CIROZ: variants seen among roughly 807,000 people sequenced by gnomAD.
CIROZ encodes the protein ciliated left-right organizer ZP-N domains-containing protein.
chr1:10,966,270 C>T, the CIROZ span: 1 of 1,382,000 alleles, frequency 7.2e-7, no homozygotes. Flanking sequence ...AATAATGGTG[C>T]AGTGTCTCCT....
At chr1:10,949,652 A>C in the CIROZ span, 1 of 1,606,880 alleles carries the variant, frequency 6.2e-7, no homozygotes, top group Non-Finnish European at 8.5e-7. Flanking sequence ...AGGCCGGTGC[A>C]GGAGGTCCCG....
At chr1:10,972,420 TACACACACACACACACACACAC>T in the CIROZ span, among the ~76,000 whole-genome samples, 10 of 131,804 alleles carry the variant, frequency 7.6e-5, no homozygotes, top group South Asian at 1.0e-3. Flanking sequence ...GTCTCTGAAA[TACACACACACACACACACACAC>T]ACACACACAC....
chr1:10,968,354 G>A, the CIROZ span, among the ~76,000 whole-genome samples: 4 of 152,204 alleles, frequency 2.6e-5, no homozygotes, highest in Admixed American at 6.6e-5. Context: ...TGCTTGACTC[G>A]ACTGTGCATT....
chr1:10,971,676 T>C, the CIROZ span, among the ~76,000 whole-genome samples: 1 of 152,144 alleles, frequency 6.6e-6, no homozygotes, highest in Non-Finnish European at 1.5e-5. Context: ...GGGAATATGT[T>C]ACCTAGTTGT....
At chr1:10,955,280 C>T in the CIROZ span, 3 of 1,184,914 alleles carry the variant, frequency 2.5e-6, no homozygotes, top group South Asian at 4.6e-5. Flanking sequence ...GGGGCCACAC[C>T]TGTGGCCGGC....
the CIROZ span, among the ~76,000 whole-genome samples, chr1:10,977,422 G>T: frequency 6.6e-6 from 1 of 151,988 alleles, no homozygotes; most frequent in Non-Finnish European, 1.5e-5. Context: ...GGCGGAGATT[G>T]CAGTGAGATG....
the CIROZ span, among the ~76,000 whole-genome samples, chr1:10,972,425 ACACACACAC>A: frequency 3.4e-4 from 47 of 139,376 alleles, no homozygotes; most frequent in East Asian, 3.4e-3. Context: ...TGAAATACAC[ACACACACAC>A]ACACACACAC....
chr1:10,979,099 C>G, the CIROZ span, among the ~76,000 whole-genome samples: 1 of 152,120 alleles, frequency 6.6e-6, no homozygotes, highest in Non-Finnish European at 1.5e-5. Flanking sequence ...TTAAGTGATT[C>G]TCGTGCCTCA....
chr1:10,948,854 G>T, the CIROZ span: 2 of 1,479,462 alleles, frequency 1.4e-6, no homozygotes, highest in Admixed American at 2.3e-5. Flanking sequence ...TCTTCACCAA[G>T]AGAGAAGTGG....
the CIROZ span, among the ~76,000 whole-genome samples, chr1:10,980,508 C>T: frequency 6.6e-5 from 10 of 152,312 alleles, no homozygotes; most frequent in Non-Finnish European, 1.3e-4. Context: ...CTGGCTGGGG[C>T]AATTGGTCTT....
the CIROZ span, chr1:10,948,947 G>A: frequency 1.4e-4 from 158 of 1,165,762 alleles, 1 homozygote; most frequent in African/African-American, 2.0e-3. Flanking sequence ...TCGAGGGACC[G>A]GGTGCGGTGG....
chr1:10,955,552 T>C, the CIROZ span, among the ~76,000 whole-genome samples: 9 of 151,998 alleles, frequency 5.9e-5, no homozygotes, highest in African/African-American at 2.2e-4. Flanking sequence ...TTAAGTAATA[T>C]AACTCCTAGG....
the CIROZ span, chr1:10,947,989 C>T: frequency 6.2e-7 from 1 of 1,613,494 alleles, no homozygotes; most frequent in African/African-American, 1.3e-5. Flanking sequence ...GTCAGAAGAG[C>T]TGCTGGGCGA....
chr1:10,980,369 G>A, the CIROZ span, among the ~76,000 whole-genome samples: 16 of 152,342 alleles, frequency 1.1e-4, no homozygotes, highest in Non-Finnish European at 5.9e-5. Flanking sequence ...CGCCTGTGGC[G>A]AGCCTCTCCC....
At chr1:10,975,888 T>A in the CIROZ span, among the ~76,000 whole-genome samples, 2 of 117,490 alleles carry the variant, frequency 1.7e-5, no homozygotes, top group Non-Finnish European at 3.1e-5. Context: ...ACGCTCCCTG[T>A]GCTGGTTTTA....
the CIROZ span, chr1:10,958,831 G>C: frequency 1.5e-5 from 23 of 1,484,900 alleles, no homozygotes; most frequent in Non-Finnish European, 2.0e-5. Flanking sequence ...GTGCCCATCA[G>C]CACCGGCAAT....
the CIROZ span, among the ~76,000 whole-genome samples, chr1:10,979,395 T>C: frequency 6.6e-6 from 1 of 152,016 alleles, no homozygotes; most frequent in Admixed American, 6.6e-5. Context: ...AAGCTTTCCT[T>C]AGAGGAGTTC....
At chr1:10,976,199 C>T in the CIROZ span, 1 of 1,536,778 alleles carries the variant, frequency 6.5e-7, no homozygotes, top group Admixed American at 2.0e-5. Flanking sequence ...CCGTGTCTGA[C>T]CTGAAGGAGA....
chr1:10,949,368 GC>G, the CIROZ span: 1 of 540,662 alleles, frequency 1.8e-6, no homozygotes, highest in Non-Finnish European at 3.3e-6. Context: ...GTGTCTCAAG[GC>G]CCTGGGAGGC....
Sources: allele counts gnomAD v4.1 joint callset (sites outside exome capture counted in the v4.1 genomes callset), GRCh38; gene constraint gnomAD v4.1.1; transcripts MANE v1.5; gene names NCBI Gene and HGNC (gene_info 2026-07-23, HGNC 2026-07-21).